ABCB11: variants seen among roughly 807,000 people sequenced by gnomAD.
ABCB11 encodes the protein bile salt export pump.
ABCB11 carries 95 observed loss-of-function variants against 148.0 expected under a neutral mutation model. The ratio of observed to expected loss-of-function variants is 0.64; its 90% CI spans 0.54 to 0.76. The LOEUF (loss-of-function observed/expected upper bound fraction) is 0.76, where lower values mean the gene tolerates loss of function less well. ABCB11 is among the 30% of genes least tolerant of loss of function. ABCB11 has a pLI of 0.00. For synonymous variants in ABCB11, 591 were observed against 555.4 expected (o/e 1.06, Z -0.90); for missense variants, 1,523 against 1,617.8 (o/e 0.94, Z 1.01).
chr2:168,917,550 A>G (rs984889356), downstream of ABCB11, among the ~76,000 whole-genome samples: 4 of 152,254 alleles, frequency 2.6e-5, no homozygotes, highest in Non-Finnish European at 4.4e-5. Context: ...AATAAAATGT[A>G]TGATGTAAAG....
At chr2:168,955,287 T>TCACACTG (rs1692740672) in intron 19 of ABCB11, among the ~76,000 whole-genome samples, 1 of 151,644 alleles carries the variant, frequency 6.6e-6, no homozygotes, top group Non-Finnish European at 1.5e-5. Context: ...TAAACTGTTC[T>TCACACTG]CACACTGCTA....
chr2:168,995,975 T>TAAAAAAA (rs3083997), intron 6 of ABCB11, among the ~76,000 whole-genome samples: 32 of 62,938 alleles, frequency 5.1e-4, no homozygotes, highest in Admixed American at 1.1e-3. Context: ...TTTCCCTAAC[T>TAAAAAAA]AAAAAAAAAA....
At chr2:168,941,010 T>C (rs572157132) in intron 21 of ABCB11, among the ~76,000 whole-genome samples, 1 of 152,180 alleles carries the variant, frequency 6.6e-6, no homozygotes, top group Admixed American at 6.6e-5. Context: ...TAGTGCTCAT[T>C]GACAACGCAC....
chr2:168,937,755 A>T (rs1475856465), intron 21 of ABCB11, among the ~76,000 whole-genome samples: 1 of 152,230 alleles, frequency 6.6e-6, no homozygotes, highest in Non-Finnish European at 1.5e-5. Flanking sequence ...TTTGATTCTC[A>T]TTGAAGTTAG....
At chr2:169,028,345 G>T (rs1316783235) in intron 1 of ABCB11, among the ~76,000 whole-genome samples, 1 of 152,010 alleles carries the variant, frequency 6.6e-6, no homozygotes, top group African/African-American at 2.4e-5. Context: ...GGAAATACAG[G>T]CATCTCCTGG....
chr2:168,923,685 T>C lies in ABCB11; in HGVS notation c.3903A>G (p.Glu1301=), dbSNP rs1282380584. Residue 1301 remains glutamate (E), a synonymous_variant, in exon 28 of 28, where the codon GAA becomes GAG. Transcript: ENST00000650372. The part of the protein sequence containing the change: ...QGVVIEKGTH[E]ELMAQKGAYY... ...AGGCTCCTTTTTGGGCCATCAGTTC[T>C]TCATGGGTCCCCTTTTCAATCACCA... 9.3e-6 allele frequency: 15 copies of C among 1,613,864 alleles called. No homozygotes were observed. In the East Asian group the frequency reaches 3.3e-4, roughly 36 times the overall value.
At chr2:169,029,287 T>A (rs1288087172) in intron 1 of ABCB11, among the ~76,000 whole-genome samples, 4 of 138,804 alleles carry the variant, frequency 2.9e-5, no homozygotes, top group African/African-American at 5.4e-5. Context: ...TTTTTTTTTT[T>A]AAAGCCCTTA....
intron 18 of ABCB11, among the ~76,000 whole-genome samples, chr2:168,958,907 A>G (rs1692923481): frequency 6.6e-6 from 1 of 151,690 alleles, no homozygotes; most frequent in African/African-American, 2.4e-5. Context: ...TAAATTTATT[A>G]CCCACTTTGA....
In ABCB11 at chr2:168,970,264, T is replaced by C. The variant is rs773793142; in HGVS notation, c.1639-49A>G. On this transcript the variant is annotated intron_variant, in intron 14 of 27. Transcript: ENST00000650372. The stretch of plus-strand genomic sequence containing the variant: ...ATGAAGGGAAAAGAATTTGATGGCT[T>C]CTGACAGTGATCCACTATAATGTCC... 1.9e-6 allele frequency: 3 copies of C among 1,580,376 alleles called. No homozygotes were observed. In the Admixed American group the frequency reaches 5.5e-5, roughly 29 times the overall value.
chr2:168,935,491 G>A lies in ABCB11; in HGVS notation c.2815-66C>T, dbSNP rs1691780079. 9 of 1,544,612 alleles carry A rather than the reference G, an allele frequency of 5.8e-6. No individual in the cohort carries two copies. The South Asian group carries it at 1.0e-4, about 17-fold the overall frequency. ...ATAACTCCTTTCGTGACATTTCAGT[G>A]GCTGCCTGGATTAGATGGTGCAAAT... On this transcript the variant is annotated intron_variant, in intron 22 of 27. Transcript: ENST00000650372.
intron 5 of ABCB11, among the ~76,000 whole-genome samples, chr2:169,012,853 G>A (rs1695230383): frequency 6.6e-6 from 1 of 152,038 alleles, no homozygotes; most frequent in Non-Finnish European, 1.5e-5. Flanking sequence ...AGATGGAAGG[G>A]TTAAGATCAA....
Position 168,950,166 on chromosome 2 carries a change from CACAA to C in ABCB11, c.2344-5209_2344-5206del, listed in dbSNP as rs1344017912. On this transcript the variant is annotated intron_variant, in intron 19 of 27. Coordinates refer to ENST00000650372, the MANE Select transcript of ABCB11 (RefSeq NM_003742.4). ...ACACACACACACACACACACACACACACAAAATAGGATATATATCCTATAAACGC... is the reference window on the plus strand; with the variant it reads ...ACACACACACACACACACACACACACAATAGGATATATATCCTATAAACGC... 5.8e-5 allele frequency among the ~76,000 whole-genome samples: 8 copies of C among 138,088 alleles called. 1 individual carries two copies. Among genetic ancestry groups the C allele is most frequent in the South Asian group, 4.9e-4 (2 of 4,088 alleles). The allele number at this position is 138,088 out of a possible 152,430, so 90.6% of individuals were successfully genotyped here. A position where few individuals can be genotyped will look rare whatever the true frequency, so the allele number is the denominator to read the frequency against.
intron 25 of ABCB11, among the ~76,000 whole-genome samples, chr2:168,928,748 T>C (rs1376898262): frequency 6.6e-6 from 1 of 152,194 alleles, no homozygotes; most frequent in African/African-American, 2.4e-5. Context: ...AGAAGTGACA[T>C]TTTGGAAAAT....
chr2:168,968,432 A>C lies in ABCB11; in HGVS notation c.2070T>G (p.Ser690Arg). ...GCCCCATGGCTTGAGCTTACCTTAA[A>C]CTATCCTGGTAGCTCCCTCTGCTAA... Reference protein sequence around the residue: ...RTFSRGSYQDSLRASIRQRSK... With the variant: ...RTFSRGSYQDRLRASIRQRSK... The change falls in exon 17 of 28, where the codon AGT (serine) becomes AGG (arginine). Residue 690 changes from serine (S) to arginine (R), a missense_variant. Transcript: ENST00000650372. 6.2e-7 allele frequency: 1 copy of C among 1,610,568 alleles called. No individual in the cohort carries two copies. The highest frequency in any genetic ancestry group is 1.1e-5 in the South Asian group (1 of 90,538).
chr2:168,923,880 A>T (rs991594169), intron 27 of ABCB11, 58 bp from the exon 28 acceptor site: 3 of 1,541,528 alleles, frequency 1.9e-6, no homozygotes, highest in African/African-American at 2.7e-5. Context: ...CCAGCCCACC[A>T]TCATGAGAGT....
rs1691144146 is a variant in ABCB11 at position 168,923,132 on chromosome 2, C to T, written c.*490G>A. The stretch of plus-strand genomic sequence containing the variant: ...AATTTAGTTAAGAAACACAGCTGGT[C>T]TTCAGTCCTTCTGTTCTTTTCAAAT... On this transcript the variant is annotated 3_prime_UTR_variant, in exon 28 of 28. Coordinates refer to ENST00000650372, the MANE Select transcript of ABCB11 (RefSeq NM_003742.4). 1 of 157,478 alleles carries T rather than the reference C, an allele frequency of 6.4e-6. No individual in the cohort carries two copies. The highest frequency in any genetic ancestry group is 6.2e-5 in the Admixed American group (1 of 16,260). The allele number at this position is 157,478 out of a possible 1,614,324, so 9.8% of individuals were successfully genotyped here.
chr2:169,008,983 C>T (rs1695098405), intron 5 of ABCB11, among the ~76,000 whole-genome samples: 1 of 151,938 alleles, frequency 6.6e-6, no homozygotes, highest in African/African-American at 2.4e-5. Flanking sequence ...GGATGAACTG[C>T]AAAAAACACA....
At chr2:168,969,253 G>T in intron 16 of ABCB11, 97 bp downstream of exon 16, 1 of 1,155,148 alleles carries the variant, frequency 8.7e-7, no homozygotes, top group Non-Finnish European at 1.2e-6. Context: ...CAGAGTTGTT[G>T]GGAGAACAGT....
intron 18 of ABCB11, among the ~76,000 whole-genome samples, chr2:168,959,934 C>CAAAA (rs375450217): frequency 2.3e-5 from 2 of 87,182 alleles, no homozygotes; most frequent in African/African-American, 9.3e-5. Context: ...ACTGCATCTC[C>CAAAA]AAAAAAAAAA....
Sources: gnomAD v4.1 joint callset for allele counts (sites outside exome capture counted in the v4.1 genomes callset) on GRCh38, gnomAD v4.1.1 for gene constraint, MANE v1.5 for transcripts, NCBI Gene and HGNC (gene_info 2026-07-23, HGNC 2026-07-21) for gene names.